Variants in THSD7B observed in about 807,000 individuals in gnomAD.
The protein encoded by THSD7B is thrombospondin type-1 domain-containing protein 7B.
A neutral mutation model predicts 213.6 loss-of-function variants in THSD7B; 138 were observed. The observed-to-expected ratio is 0.65, with a 90% CI of 0.56 to 0.74. The LOEUF is 0.74. Among genes scored for constraint, THSD7B ranks in the 30% least tolerant of loss-of-function variants. The pLI, the probability that THSD7B is intolerant of heterozygous loss-of-function variation, is 0.00. For missense variants in THSD7B, 1,931 were observed against 1,991.5 expected (o/e 0.97, Z 0.58); for synonymous variants, 742 against 687.0 (o/e 1.08, Z -1.25).
At position 137,126,336 on chromosome 2, in the gene THSD7B, T is replaced by A. The variant is rs542517707; in HGVS notation, c.1369+11043T>A. Among the ~76,000 whole-genome samples the A allele has an allele frequency of 2.2e-4, 34 of 152,332 alleles. No homozygotes were observed. The South Asian group carries it at 7.0e-3, about 32-fold the overall frequency. ...AATGATCTTAGCTAGATCTTCCTGA[T>A]AACTTGCTTCTGCTTCTACATTAGC... On this transcript the variant is annotated intron_variant, in intron 5 of 27. Transcript: ENST00000409968.
intron 25 of THSD7B, among the ~76,000 whole-genome samples, chr2:137,661,990 G>C (rs907419861): frequency 8.6e-5 from 13 of 151,886 alleles, no homozygotes; most frequent in African/African-American, 3.1e-4. Context: ...GAGCACGGTT[G>C]AGCCCATTTG....
chr2:137,492,202 C>A (rs1679426706), intron 15 of THSD7B, among the ~76,000 whole-genome samples: 1 of 152,172 alleles, frequency 6.6e-6, no homozygotes, highest in Admixed American at 6.5e-5. Context: ...AAGTTCCAAA[C>A]CCACTTAGGG....
intron 2 of THSD7B, among the ~76,000 whole-genome samples, chr2:136,891,260 A>G (rs1232996407): frequency 6.6e-6 from 1 of 151,892 alleles, no homozygotes; most frequent in Non-Finnish European, 1.5e-5. Flanking sequence ...TGACATAGTG[A>G]GCTTTCTTCT....
At chr2:137,174,484 A>G (rs1680321806) in intron 7 of THSD7B, among the ~76,000 whole-genome samples, 1 of 152,172 alleles carries the variant, frequency 6.6e-6, no homozygotes, top group Non-Finnish European at 1.5e-5. Flanking sequence ...AACTTTGTGG[A>G]TTAGTTTAAG....
chr2:137,263,850 G>A lies in THSD7B; in HGVS notation c.2267-8683G>A, dbSNP rs1040180302. 9.9e-5 allele frequency among the ~76,000 whole-genome samples: 15 copies of A among 152,216 alleles called. 1 individual carries two copies. Among genetic ancestry groups the A allele is most frequent in the Admixed American group, 9.8e-4 (15 of 15,286 alleles). ...CCTTCCTACTCATAGTTCTACTAGG[G>A]CATTGCATTTTTTTAAGCACTTAAG... On this transcript the variant is annotated intron_variant, in intron 10 of 27. Coordinates refer to ENST00000409968, the MANE Select transcript of THSD7B (RefSeq NM_001316349.2).
At chr2:137,138,916 A>G (rs1354887766) in intron 5 of THSD7B, among the ~76,000 whole-genome samples, 1 of 152,072 alleles carries the variant, frequency 6.6e-6, no homozygotes, top group African/African-American at 2.4e-5. Flanking sequence ...TATCTTATTT[A>G]CCTCCTTTTG....
chr2:136,864,647 G>A (rs1558830594), intron 1 of THSD7B, among the ~76,000 whole-genome samples: 4 of 151,948 alleles, frequency 2.6e-5, no homozygotes, highest in Non-Finnish European at 1.5e-5. Context: ...CCACCTCCCA[G>A]GTTCACATCA....
At position 137,131,527 on chromosome 2, in the gene THSD7B, T is replaced by A. The variant is rs190636718; in HGVS notation, c.1369+16234T>A. Reference sequence around the variant, plus strand: ...AATGGTTTTAGGTCTAACAGGTAAGTCTTTAATCCATCTTGAATTAATTTT... The same window carrying A: ...AATGGTTTTAGGTCTAACAGGTAAGACTTTAATCCATCTTGAATTAATTTT... On this transcript the variant is annotated intron_variant, in intron 5 of 27. Transcript: ENST00000409968. Among the ~76,000 whole-genome samples, 789 of 152,356 alleles carry A rather than the reference T, an allele frequency of 5.2e-3. 5 individuals carry two copies. The highest frequency in any genetic ancestry group is 0.019 in the South Asian group (92 of 4,834).
intron 5 of THSD7B, among the ~76,000 whole-genome samples, chr2:137,117,880 T>C (rs1688471782): frequency 6.6e-6 from 1 of 152,210 alleles, no homozygotes; most frequent in South Asian, 2.1e-4. Context: ...ATGCTGAAGC[T>C]AAATCCTGAC....
rs372263480 is a variant in THSD7B at position 137,256,175 on chromosome 2, G to T, written c.2266+13603G>T. Among the ~76,000 whole-genome samples, 13 of 152,240 alleles carry T rather than the reference G, an allele frequency of 8.5e-5. No homozygotes were observed. In the South Asian group the frequency reaches 2.3e-3, roughly 27 times the overall value. On this transcript the variant is annotated intron_variant, in intron 10 of 27. Coordinates refer to ENST00000409968, the MANE Select transcript of THSD7B (RefSeq NM_001316349.2). ...CCACAAAGTAATTACCTAAATATTT[G>T]TTGAATGAATAATAATGGATGAGTC...
intron 12 of THSD7B, among the ~76,000 whole-genome samples, chr2:137,303,322 A>C (rs1683651493): frequency 6.6e-6 from 1 of 152,184 alleles, no homozygotes; most frequent in South Asian, 2.1e-4. Flanking sequence ...GCCTCCAGCC[A>C]CTTCTAAAAT....
rs559668021 is a variant in THSD7B, at chr2:137,089,183, C to T, written c.951-5690C>T. Among the ~76,000 whole-genome samples, 21 of 151,510 alleles carry T rather than the reference C, an allele frequency of 1.4e-4. No homozygotes were observed. In the East Asian group the frequency reaches 2.1e-3, roughly 15 times the overall value. On this transcript the variant is annotated intron_variant, in intron 3 of 27. Transcript: ENST00000409968. ...CATGCATGTTTACAGCAGCACAATT[C>T]GCAATTGCAAAATGTAGAACCAACC...
chr2:137,293,504 CTCTCTATCTTTCTA>C (rs1310957221), intron 12 of THSD7B, among the ~76,000 whole-genome samples: 128 of 148,602 alleles, frequency 8.6e-4, no homozygotes, highest in African/African-American at 3.0e-3. Context: ...TTTTCTCTCT[CTCTCTATCTTTCTA>C]TCTCTATCTT....
chr2:137,295,411 C>A (rs1039843814), intron 12 of THSD7B, among the ~76,000 whole-genome samples: 9 of 152,050 alleles, frequency 5.9e-5, no homozygotes, highest in African/African-American at 2.2e-4. Flanking sequence ...GCATATTATG[C>A]CTTCATCAAA....
chr2:137,030,983 C>A (rs1366074294), intron 2 of THSD7B, among the ~76,000 whole-genome samples: 1 of 152,168 alleles, frequency 6.6e-6, no homozygotes, highest in African/African-American at 2.4e-5. Flanking sequence ...GTTCTTGTCA[C>A]TATTGTTATT....
chr2:136,938,273 C>G (rs1684765468), intron 2 of THSD7B, among the ~76,000 whole-genome samples: 1 of 152,090 alleles, frequency 6.6e-6, no homozygotes, highest in South Asian at 2.1e-4. Context: ...GAAAATGAGC[C>G]TTGGTCACTG....
chr2:137,287,269 A>G (rs919284597), intron 12 of THSD7B, among the ~76,000 whole-genome samples: 2 of 152,140 alleles, frequency 1.3e-5, no homozygotes, highest in Non-Finnish European at 1.5e-5. Context: ...TGGTAAAAAG[A>G]AAGGAAGATC....
Position 137,650,420 on chromosome 2 carries a change from T to C in THSD7B, c.3946-5081T>C, listed in dbSNP as rs1442238610. Among the ~76,000 whole-genome samples the C allele has an allele frequency of 2.0e-5, 3 of 152,340 alleles. No homozygotes were observed. In the East Asian group the frequency reaches 5.8e-4, roughly 29 times the overall value. ...TGTATATAAATGCTACTGATTTCTGTATGTTGATTTTATGTCTTGCAACTT... is the reference window on the plus strand; with the variant it reads ...TGTATATAAATGCTACTGATTTCTGCATGTTGATTTTATGTCTTGCAACTT... On this transcript the variant is annotated intron_variant, in intron 21 of 27. Transcript: ENST00000409968.
chr2:136,804,721 C>G (rs1682253527), intron 1 of THSD7B, among the ~76,000 whole-genome samples: 1 of 152,080 alleles, frequency 6.6e-6, no homozygotes, highest in Admixed American at 6.6e-5. Context: ...CAGATATTTG[C>G]ATTTCTTTTC....
Sources: allele counts gnomAD v4.1 joint callset (sites outside exome capture counted in the v4.1 genomes callset), GRCh38; gene constraint gnomAD v4.1.1; transcripts MANE v1.5; gene names NCBI Gene and HGNC (gene_info 2026-07-23, HGNC 2026-07-21).